The following ZPBP variants were observed in gnomAD, a reference collection of about 807,000 sequenced individuals.
The protein encoded by ZPBP is zona pellucida-binding protein 1.
A neutral mutation model predicts 44.8 loss-of-function variants in ZPBP; 26 were observed. The observed-to-expected ratio is 0.58, with a 90% CI of 0.43 to 0.81. The LOEUF (loss-of-function observed/expected upper bound fraction) is 0.81, where lower values mean the gene tolerates loss of function less well. Ranked by LOEUF, ZPBP falls within the 30% of genes least tolerant of loss-of-function variation. The pLI, the probability that ZPBP is intolerant of heterozygous loss-of-function variation, is 0.00. For missense variants in ZPBP, 409 were observed against 434.0 expected, an observed-to-expected ratio of 0.94 and a Z score of 0.51; for synonymous variants, 174 against 153.2, an observed-to-expected ratio of 1.14 and a Z score of -1.00.
At chr7:49,988,296 C>A (rs1437664453) in intron 6 of ZPBP, among the ~76,000 whole-genome samples, 1 of 152,060 alleles carries the variant, frequency 6.6e-6, no homozygotes, top group Non-Finnish European at 1.5e-5. Context: ...ACTTAACAAG[C>A]CTCCTCAAAT....
chr7:50,082,490 C>G (rs941403282), intron 2 of ZPBP, among the ~76,000 whole-genome samples: 6 of 151,786 alleles, frequency 4.0e-5, no homozygotes, highest in African/African-American at 1.4e-4. Context: ...ACAAAAGGAA[C>G]CCGGTAAAGA....
At chr7:49,996,216 T>C (rs189408981) in intron 6 of ZPBP, among the ~76,000 whole-genome samples, 27 of 152,282 alleles carry the variant, frequency 1.8e-4, no homozygotes, top group Admixed American at 1.4e-3. Context: ...CTCACCATAA[T>C]AGCCCTCACT....
chr7:49,912,004 T>C (rs369931990), intron 1 of ZPBP: 2 of 1,601,204 alleles, frequency 1.2e-6, no homozygotes, highest in South Asian at 1.1e-5. Context: ...TATGCACACA[T>C]ATAGTATAAA....
At chr7:50,053,165 A>G (rs1336565474) in intron 4 of ZPBP, among the ~76,000 whole-genome samples, 1 of 152,206 alleles carries the variant, frequency 6.6e-6, no homozygotes, top group African/African-American at 2.4e-5. Flanking sequence ...ACAAGATATT[A>G]CAATTTGGGG....
chr7:50,090,239 C>T (rs1259449596), intron 1 of ZPBP, among the ~76,000 whole-genome samples: 7 of 150,830 alleles, frequency 4.6e-5, no homozygotes. Flanking sequence ...TTATCCCTCA[C>T]CCCCATCCCA....
intron 7 of ZPBP, among the ~76,000 whole-genome samples, chr7:49,966,734 CT>C (rs1796078900): frequency 6.6e-6 from 1 of 152,104 alleles, no homozygotes; most frequent in Non-Finnish European, 1.5e-5. Context: ...ACAATCAAAA[CT>C]TTTCTAAGAA....
At chr7:49,849,910 A>C (rs1790108761), downstream of ZPBP, among the ~76,000 whole-genome samples, 1 of 152,190 alleles carries the variant, frequency 6.6e-6, no homozygotes, top group Non-Finnish European at 1.5e-5. Flanking sequence ...ACCATAGCAC[A>C]GGTACAAAAA....
At chr7:49,962,720 A>G (rs1000761511) in intron 7 of ZPBP, among the ~76,000 whole-genome samples, 4 of 151,900 alleles carry the variant, frequency 2.6e-5, no homozygotes, top group African/African-American at 9.7e-5. Context: ...TTAGGTATAT[A>G]AAGAAAAATC....
intron 2 of ZPBP, among the ~76,000 whole-genome samples, chr7:49,891,329 A>C (rs538478813): frequency 6.6e-6 from 1 of 152,350 alleles, no homozygotes; most frequent in African/African-American, 2.4e-5. Context: ...GCATAGCTTT[A>C]AAGTAAAGCA....
chr7:49,860,041 A>T lies in ZPBP; in HGVS notation n.510-9527T>A, dbSNP rs372264854. 1.2e-3 allele frequency among the ~76,000 whole-genome samples: 181 copies of T among 152,252 alleles called. No homozygotes were observed. The Middle Eastern group carries it at 0.014, about 11-fold the overall frequency. On this transcript the variant is annotated intron_variant and non_coding_transcript_variant, in intron 2 of 2. Transcript: ENST00000465922. Reference sequence around the variant, plus strand: ...TCTTTAAGGGCTTCTTTAAAGTTTCATAATTTTATCCATAGTTGTATGCCA... The same window carrying T: ...TCTTTAAGGGCTTCTTTAAAGTTTCTTAATTTTATCCATAGTTGTATGCCA...
At position 49,978,042 on chromosome 7, in the gene ZPBP, T is replaced by C. The variant is rs183824997; in HGVS notation, c.961+5300A>G. On this transcript the variant is annotated intron_variant, in intron 7 of 7. Coordinates refer to ENST00000046087, the MANE Select transcript of ZPBP (RefSeq NM_007009.3). ...GGATCTGGGGTATTATGTCAAAGAATGCTACTTGATCTACAAGTTTGTTTG... is the reference window on the plus strand; with the variant it reads ...GGATCTGGGGTATTATGTCAAAGAACGCTACTTGATCTACAAGTTTGTTTG... Among the ~76,000 whole-genome samples the C allele has an allele frequency of 1.1e-4, 16 of 151,478 alleles. No individual in the cohort carries two copies. The East Asian group carries it at 3.1e-3, about 29-fold the overall frequency.
chr7:49,983,947 T>A (rs957295488), intron 6 of ZPBP, among the ~76,000 whole-genome samples: 1 of 151,052 alleles, frequency 6.6e-6, no homozygotes, highest in Admixed American at 6.6e-5. Context: ...CAAAAAAATA[T>A]ATAACTTCTA....
At chr7:49,959,129 C>G (rs1418343649) in intron 7 of ZPBP, among the ~76,000 whole-genome samples, 1 of 151,836 alleles carries the variant, frequency 6.6e-6, no homozygotes, top group Admixed American at 6.6e-5. Context: ...TAAGATAACC[C>G]TACAGCTAAT....
chr7:49,842,636 T>C, the ZPBP span, among the ~76,000 whole-genome samples: 1 of 152,224 alleles, frequency 6.6e-6, no homozygotes, highest in Non-Finnish European at 1.5e-5. Context: ...ATTGTCTGTA[T>C]ACTTGCAGAA....
rs1584167143 is a variant in ZPBP, at chr7:50,069,794, A to G, written c.335-11653T>C. On this transcript the variant is annotated intron_variant, in intron 3 of 7. Coordinates refer to ENST00000046087, the MANE Select transcript of ZPBP (RefSeq NM_007009.3). Reference sequence around the variant, plus strand: ...GGGTCCTATTACAGGAGTTTCAGACACTGCTCAGCCAGGAACGTGCCTTCC... The same window carrying G: ...GGGTCCTATTACAGGAGTTTCAGACGCTGCTCAGCCAGGAACGTGCCTTCC... 3.3e-5 allele frequency among the ~76,000 whole-genome samples: 5 copies of G among 152,022 alleles called. No homozygotes were observed. In the South Asian group the frequency reaches 1.0e-3, roughly 32 times the overall value.
At chr7:49,982,739 A>G (rs1343958626) in intron 7 of ZPBP, among the ~76,000 whole-genome samples, 1 of 151,986 alleles carries the variant, frequency 6.6e-6, no homozygotes, top group African/African-American at 2.4e-5. Context: ...AACTCTTTTA[A>G]GACTGAAAAT....
At chr7:49,871,167 T>G (rs1791133262) in intron 2 of ZPBP, among the ~76,000 whole-genome samples, 1 of 152,150 alleles carries the variant, frequency 6.6e-6, no homozygotes, top group Non-Finnish European at 1.5e-5. Flanking sequence ...ATAGCAAAAT[T>G]CAAGTGGTAA....
intron 5 of ZPBP, among the ~76,000 whole-genome samples, chr7:50,019,917 T>C (rs1442481621): frequency 6.6e-6 from 1 of 151,906 alleles, no homozygotes; most frequent in Non-Finnish European, 1.5e-5. Flanking sequence ...AAAAATGAGA[T>C]TATCTAAATC....
At position 49,861,579 on chromosome 7, in the gene ZPBP, A is replaced by C. The variant is rs141321041; in HGVS notation, n.510-11065T>G. On this transcript the variant is annotated intron_variant and non_coding_transcript_variant, in intron 2 of 2. Coordinates refer to the ZPBP transcript ENST00000465922. ...AGAATCTGCTGCCAAATTCTGGGTAAGAAAGATTTAAACCTTTATTTTCTT... is the reference window on the plus strand; with the variant it reads ...AGAATCTGCTGCCAAATTCTGGGTACGAAAGATTTAAACCTTTATTTTCTT... Among the ~76,000 whole-genome samples the C allele has an allele frequency of 6.6e-3, 1,009 of 152,254 alleles. 12 individuals carry two copies. Among genetic ancestry groups the C allele is most frequent in the African/African-American group, 0.023 (964 of 41,552 alleles).
Sources: gnomAD v4.1 joint callset for allele counts (sites outside exome capture counted in the v4.1 genomes callset) on GRCh38, gnomAD v4.1.1 for gene constraint, MANE v1.5 for transcripts, NCBI Gene and HGNC (gene_info 2026-07-23, HGNC 2026-07-21) for gene names.